The following EYS variants were observed in gnomAD, a reference collection of about 807,000 sequenced individuals.
EYS encodes the protein protein eyes shut homolog.
Under a neutral mutation model 282.1 loss-of-function variants are expected in EYS, and 250 were observed. That is an observed-to-expected ratio of 0.89 (90% CI 0.80 to 0.98). EYS has a LOEUF of 0.98. Among genes scored for constraint, EYS ranks in the 50% least tolerant of loss-of-function variants. The pLI is 0.00. For missense variants in EYS, 4,016 were observed against 3,709.0 expected, an observed-to-expected ratio of 1.08 and a Z score of -2.15; for synonymous variants, 1,355 against 1,282.9, an observed-to-expected ratio of 1.06 and a Z score of -1.20.
chr6:64,393,173 G>T (rs9345048), intron 28 of EYS, among the ~76,000 whole-genome samples: 46,727 of 151,660 alleles, frequency 0.31, 7,166 homozygotes, highest in East Asian at 0.46. Context: ...CAGGACCAGA[G>T]GGATTCACAG....
intron 1 of EYS, among the ~76,000 whole-genome samples, chr6:65,649,036 C>T (rs1466426626): frequency 2.0e-5 from 3 of 149,708 alleles, no homozygotes; most frequent in South Asian, 4.3e-4. Context: ...GTCTCAGCTA[C>T]TCGGGAGGCT....
At chr6:65,188,566 C>T (rs1239420519) in intron 12 of EYS, among the ~76,000 whole-genome samples, 8 of 151,382 alleles carry the variant, frequency 5.3e-5, no homozygotes, top group Admixed American at 2.6e-4. Context: ...CTTGTGAATG[C>T]GCATGAATGC....
chr6:64,499,119 A>T (rs779652332), intron 26 of EYS, among the ~76,000 whole-genome samples: 47 of 152,198 alleles, frequency 3.1e-4, no homozygotes, highest in Non-Finnish European at 5.6e-4. Flanking sequence ...CTTTGCCAGC[A>T]TCTGTTATTT....
intron 18 of EYS, among the ~76,000 whole-genome samples, chr6:64,897,130 G>C (rs1331820123): frequency 6.6e-6 from 1 of 152,134 alleles, no homozygotes; most frequent in South Asian, 2.1e-4. Context: ...GCCTCAAGTG[G>C]GTCCAGGGCT....
chr6:65,517,584 A>C (rs2127295859), intron 2 of EYS, among the ~76,000 whole-genome samples: 1 of 152,206 alleles, frequency 6.6e-6, no homozygotes, highest in Non-Finnish European at 1.5e-5. Flanking sequence ...TGGTTAGGCA[A>C]GTCATTTTGG....
intron 8 of EYS, among the ~76,000 whole-genome samples, chr6:65,378,035 G>T (rs573867538): frequency 1.3e-5 from 2 of 151,974 alleles, no homozygotes; most frequent in Admixed American, 1.3e-4. Context: ...AGACAAATGC[G>T]ATCTAATTAA....
At chr6:64,825,896 A>G (rs1040282346) in intron 19 of EYS, among the ~76,000 whole-genome samples, 12 of 147,120 alleles carry the variant, frequency 8.2e-5, no homozygotes, top group African/African-American at 2.8e-4. Context: ...AGATATTCAT[A>G]AAGTGCACAT....
intron 28 of EYS, among the ~76,000 whole-genome samples, chr6:64,421,084 C>T (rs181374172): frequency 1.1e-4 from 17 of 152,266 alleles, no homozygotes; most frequent in Middle Eastern, 3.4e-3. Context: ...CTAATAAAGA[C>T]ATACCTGAGA....
At chr6:64,970,934 C>T (rs770929078) in intron 14 of EYS, among the ~76,000 whole-genome samples, 1 of 152,130 alleles carries the variant, frequency 6.6e-6, no homozygotes, top group Admixed American at 6.5e-5. Context: ...GTGAAAACTG[C>T]ACTTCTTTTT....
chr6:64,333,454 C>A (rs541515441), intron 29 of EYS, among the ~76,000 whole-genome samples: 2 of 152,144 alleles, frequency 1.3e-5, no homozygotes, highest in Non-Finnish European at 2.9e-5. Context: ...AAAAAGAGTG[C>A]CCTGATTGTT....
At chr6:64,943,277 C>T (rs982173255) in intron 15 of EYS, among the ~76,000 whole-genome samples, 5 of 152,076 alleles carry the variant, frequency 3.3e-5, no homozygotes, top group African/African-American at 1.2e-4. Context: ...TACAAGCATT[C>T]CCCTGGAGGA....
At chr6:64,746,775 C>T (rs1251370703) in intron 22 of EYS, among the ~76,000 whole-genome samples, 65 of 152,200 alleles carry the variant, frequency 4.3e-4, no homozygotes, top group Non-Finnish European at 5.9e-5. Context: ...TCAGTTCATC[C>T]ATCACTAATA....
rs186639425 is a variant in EYS, at chr6:65,149,850, G to T, written c.2024-92123C>A. ...TATGAAGAAATACCTGAAAGACTGG[G>T]TAATTTATAAAGAAAAGAGGTTTAA... On this transcript the variant is annotated intron_variant, in intron 12 of 42. Coordinates refer to ENST00000503581, the MANE Select transcript of EYS (RefSeq NM_001142800.2). 3.5e-3 allele frequency among the ~76,000 whole-genome samples: 539 copies of T among 152,224 alleles called. 5 individuals carry two copies. Among genetic ancestry groups the T allele is most frequent in the South Asian group, 0.031 (149 of 4,832 alleles).
At chr6:65,278,876 C>T (rs1263301516) in intron 12 of EYS, among the ~76,000 whole-genome samples, 2 of 152,038 alleles carry the variant, frequency 1.3e-5, no homozygotes, top group Non-Finnish European at 2.9e-5. Context: ...CTAAGAGGGT[C>T]CTATGAGGTG....
chr6:65,646,485 T>TA (rs1562307062), intron 1 of EYS, among the ~76,000 whole-genome samples: 1 of 152,066 alleles, frequency 6.6e-6, no homozygotes, highest in Non-Finnish European at 1.5e-5. Flanking sequence ...CCTTTATGAA[T>TA]AAAACCTTCA....
intron 23 of EYS, among the ~76,000 whole-genome samples, chr6:64,618,842 A>G (rs1041793576): frequency 6.6e-5 from 10 of 152,310 alleles, no homozygotes; most frequent in South Asian, 4.1e-4. Context: ...GGAAAAAAAC[A>G]TCTTCACAGG....
rs111251704 is a variant in EYS at position 63,887,110 on chromosome 6, T to C, written c.7056-22752A>G. Among the ~76,000 whole-genome samples, 1,081 of 152,234 alleles carry C rather than the reference T, an allele frequency of 7.1e-3. 17 individuals carry two copies. The highest frequency in any genetic ancestry group is 0.024 in the South Asian group (118 of 4,826). On this transcript the variant is annotated intron_variant, in intron 35 of 42. Coordinates refer to ENST00000503581, the MANE Select transcript of EYS (RefSeq NM_001142800.2). The stretch of plus-strand genomic sequence containing the variant: ...ACACATTGACAGAACAAGGGCCTAC[T>C]AGTGGGACAGCATCTGCAGGCATAA...
intron 1 of EYS, among the ~76,000 whole-genome samples, chr6:65,689,809 T>C (rs1265558062): frequency 1.3e-5 from 2 of 149,956 alleles, no homozygotes; most frequent in Non-Finnish European, 3.0e-5. Flanking sequence ...CATCGCCAGA[T>C]ATTGTGGGAT....
intron 12 of EYS, among the ~76,000 whole-genome samples, chr6:65,166,730 C>G (rs1764982075): frequency 6.6e-6 from 1 of 150,974 alleles, no homozygotes; most frequent in African/African-American, 2.4e-5. Context: ...TTTCAAAGGA[C>G]ACCATCAGAA....
Sources: gnomAD v4.1 joint callset for allele counts (sites outside exome capture counted in the v4.1 genomes callset) on GRCh38, gnomAD v4.1.1 for gene constraint, MANE v1.5 for transcripts, NCBI Gene and HGNC (gene_info 2026-07-23, HGNC 2026-07-21) for gene names.